Variants in ZFP82 observed in about 807,000 individuals in gnomAD.
ZFP82 encodes the protein ZFP82 zinc finger protein, also known as zinc finger protein 82 homolog.
A neutral mutation model predicts 54.0 loss-of-function variants in ZFP82; 30 were observed. The ratio of observed to expected loss-of-function variants is 0.56; its 90% confidence interval spans 0.42 to 0.75. The LOEUF (loss-of-function observed/expected upper bound fraction) is 0.75, where lower values mean the gene tolerates loss of function less well. ZFP82 is among the 30% of genes least tolerant of loss of function. The probability of loss-of-function intolerance (pLI) is 0.00; values close to 1 mark genes in which losing one functional copy is unlikely to be tolerated. For synonymous variants in ZFP82, 194 were observed against 209.5 expected (o/e 0.93, Z 0.64); for missense variants, 500 against 636.8 (o/e 0.79, Z 2.31).
intron 4 of ZFP82, among the ~76,000 whole-genome samples, chr19:36,400,050 T>C (rs1017844426): frequency 5.9e-5 from 9 of 152,232 alleles, no homozygotes; most frequent in African/African-American, 2.2e-4. Context: ...ACTTTTATGG[T>C]ATGTACATAA....
chr19:36,398,032 GC>G (rs1370499734), intron 4 of ZFP82, among the ~76,000 whole-genome samples: 1 of 152,156 alleles, frequency 6.6e-6, no homozygotes, highest in Admixed American at 6.5e-5. Context: ...CAAGAATAAA[GC>G]TTTACAAAAC....
At chr19:36,402,582 T>C (rs2145588909) in intron 4 of ZFP82, among the ~76,000 whole-genome samples, 1 of 151,244 alleles carries the variant, frequency 6.6e-6, no homozygotes, top group Non-Finnish European at 1.5e-5. Flanking sequence ...GGCACTGAAA[T>C]GGTCCTATGG....
At chr19:36,400,557 A>C (rs1218340155) in intron 4 of ZFP82, among the ~76,000 whole-genome samples, 2 of 152,202 alleles carry the variant, frequency 1.3e-5, no homozygotes, top group Non-Finnish European at 2.9e-5. Context: ...CAGCAACAGA[A>C]GAATATGCTA....
intron 1 of ZFP82, among the ~76,000 whole-genome samples, chr19:36,415,735 G>A (rs540248215): frequency 3.2e-4 from 49 of 152,272 alleles, no homozygotes; most frequent in African/African-American, 1.2e-3. Context: ...TTGTGAAGAA[G>A]GAATATCTTT....
chr19:36,411,742 G>A (rs999781235), intron 1 of ZFP82, among the ~76,000 whole-genome samples: 5 of 151,846 alleles, frequency 3.3e-5, no homozygotes, highest in Non-Finnish European at 7.4e-5. Context: ...GCAGGCACCT[G>A]TAAGCCCAGC....
Position 36,418,592 on chromosome 19 carries a change from G to C in ZFP82, c.-179C>G, listed in dbSNP as rs924389689. On this transcript the variant is annotated 5_prime_UTR_variant, in exon 1 of 5. It adds an upstream start codon to the 5' untranslated region. Coordinates refer to ENST00000392161, the MANE Select transcript of ZFP82 (RefSeq NM_133466.4). ...TCGGGGCGCGAACCCGAGGCACAGCGATGCCCGAACGGAGGAAGCCGCTGC... is the reference window on the plus strand; with the variant it reads ...TCGGGGCGCGAACCCGAGGCACAGCCATGCCCGAACGGAGGAAGCCGCTGC... 4.6e-5 allele frequency: 7 copies of C among 152,290 alleles called. No individual in the cohort carries two copies. The highest frequency in any genetic ancestry group is 1.7e-4 in the African/African-American group (7 of 41,460). The allele number at this position is 152,290 out of a possible 1,614,324, so 9.4% of individuals were successfully genotyped here. A position where few individuals can be genotyped will look rare whatever the true frequency, so the allele number is the denominator to read the frequency against.
intron 1 of ZFP82, among the ~76,000 whole-genome samples, chr19:36,412,093 A>T (rs1395243521): frequency 1.8e-5 from 2 of 113,386 alleles, no homozygotes; most frequent in African/African-American, 6.5e-5. Context: ...AGAGAGAGAG[A>T]GAGTGTGCGT....
chr19:36,412,613 CTTTTG>C (rs1243313317), intron 1 of ZFP82, among the ~76,000 whole-genome samples: 1 of 152,186 alleles, frequency 6.6e-6, no homozygotes, highest in African/African-American at 2.4e-5. Flanking sequence ...CTTGACCAAG[CTTTTG>C]TTTTGTTTCT....
At chr19:36,402,761 C>T (rs141646765) in intron 4 of ZFP82, among the ~76,000 whole-genome samples, 6 of 150,516 alleles carry the variant, frequency 4.0e-5, no homozygotes, top group Admixed American at 1.3e-4. Flanking sequence ...TCTGGGAGGC[C>T]GAGATGGGCG....
downstream of ZFP82, among the ~76,000 whole-genome samples, chr19:36,384,661 G>A (rs912772007): frequency 2.0e-5 from 3 of 152,266 alleles, no homozygotes; most frequent in East Asian, 1.9e-4. Context: ...GTGGAACATA[G>A]TTTCAGAAAT....
Position 36,392,714 on chromosome 19 carries a change from T to C in ZFP82, c.*27A>G. The C allele has an allele frequency of 1.3e-6, 2 of 1,523,756 alleles. No homozygotes were observed. The highest frequency in any genetic ancestry group is 1.7e-6 in the Non-Finnish European group (2 of 1,142,868). 94.4% of individuals were successfully genotyped at this position (1,523,756 alleles called of 1,614,324 possible). A position where few individuals can be genotyped will look rare whatever the true frequency, so the allele number is the denominator to read the frequency against. On this transcript the variant is annotated 3_prime_UTR_variant, in exon 5 of 5. Coordinates refer to ENST00000392161, the MANE Select transcript of ZFP82 (RefSeq NM_133466.4). ...TAATTACTACATTCATAGAATGTTCTATAACACAGAAGTTGAAAAGACTTT... is the reference window on the plus strand; with the variant it reads ...TAATTACTACATTCATAGAATGTTCCATAACACAGAAGTTGAAAAGACTTT...
At position 36,392,672 on chromosome 19, in the gene ZFP82, T is replaced by G; in HGVS notation, c.*69A>C. ...CCTCTAATGCCAACGCAGTTGCATG[T>G]ATGGAGCAAAATAGATTAATTACTA... is the stretch of plus-strand genomic sequence containing the variant. On this transcript the variant is annotated 3_prime_UTR_variant, in exon 5 of 5. Transcript: ENST00000392161. 5.1e-6 allele frequency: 7 copies of G among 1,383,310 alleles called. No individual in the cohort carries two copies. Among genetic ancestry groups the G allele is most frequent in the Non-Finnish European group, 6.7e-6 (7 of 1,043,132 alleles). The allele number at this position is 1,383,310 out of a possible 1,614,324, so 85.7% of individuals were successfully genotyped here. A position where few individuals can be genotyped will look rare whatever the true frequency, so the allele number is the denominator to read the frequency against.
At chr19:36,398,013 C>T (rs1353781414) in intron 4 of ZFP82, among the ~76,000 whole-genome samples, 1 of 152,186 alleles carries the variant, frequency 6.6e-6, no homozygotes, top group Non-Finnish European at 1.5e-5. Context: ...GACTTACCAT[C>T]CCTTTTCCCA....
At position 36,390,541 on chromosome 19, in the gene ZFP82, A is replaced by G. The variant is rs1051023294; in HGVS notation, c.*2200T>C. On this transcript the variant is annotated 3_prime_UTR_variant, in exon 5 of 5. Coordinates refer to ENST00000392161, the MANE Select transcript of ZFP82 (RefSeq NM_133466.4). Reference sequence around the variant, plus strand: ...AGCCAAGAAAACTTCACAGGTGTCCACTGTGTGTATCCATTTCATCACATC... The same window carrying G: ...AGCCAAGAAAACTTCACAGGTGTCCGCTGTGTGTATCCATTTCATCACATC... The G allele has an allele frequency of 1.3e-5, 2 of 152,042 alleles. No homozygotes were observed. The allele number at this position is 152,042 out of a possible 1,614,324, so 9.4% of individuals were successfully genotyped here. A position where few individuals can be genotyped will look rare whatever the true frequency, so the allele number is the denominator to read the frequency against.
At position 36,409,968 on chromosome 19, in the gene ZFP82, CA is replaced by C. The variant is rs1372046175; in HGVS notation, c.-78-102del. The stretch of plus-strand genomic sequence containing the variant: ...TTCCCCTCTCTTCTGATCTCTCCAC[CA>C]CAGCTCCTCCAACACACACGCGCGC... On this transcript the variant is annotated intron_variant, in intron 1 of 4. Coordinates refer to ENST00000392161, the MANE Select transcript of ZFP82 (RefSeq NM_133466.4). The C allele has an allele frequency of 1.8e-4, 111 of 611,264 alleles. 1 individual carries two copies. Among genetic ancestry groups the C allele is most frequent in the Non-Finnish European group, 9.3e-5 (32 of 345,630 alleles). 37.9% of individuals were successfully genotyped at this position (611,264 alleles called of 1,614,324 possible).
At chr19:36,388,039 T>C (rs1351211976), downstream of ZFP82, among the ~76,000 whole-genome samples, 1 of 152,246 alleles carries the variant, frequency 6.6e-6, no homozygotes, top group East Asian at 1.9e-4. Context: ...TAAATGAGAA[T>C]AGAAACCATC....
At chr19:36,402,580 A>G (rs1373865720) in intron 4 of ZFP82, among the ~76,000 whole-genome samples, 1 of 152,162 alleles carries the variant, frequency 6.6e-6, no homozygotes, top group African/African-American at 2.4e-5. Flanking sequence ...TAGGCACTGA[A>G]ATGGTCCTAT....
intron 4 of ZFP82, chr19:36,394,502 T>A (rs2032263211): frequency 5.9e-6 from 1 of 170,868 alleles, no homozygotes. Flanking sequence ...TATACTTAAA[T>A]TTTTTTCATC....
intron 2 of ZFP82, among the ~76,000 whole-genome samples, chr19:36,408,794 C>T (rs1013173458): frequency 5.3e-5 from 8 of 151,870 alleles, no homozygotes; most frequent in African/African-American, 1.9e-4. Flanking sequence ...TCCAGCCTAG[C>T]CAACAAGAAC....
Sources: allele counts gnomAD v4.1 joint callset (sites outside exome capture counted in the v4.1 genomes callset), GRCh38; gene constraint gnomAD v4.1.1; transcripts MANE v1.5; gene names NCBI Gene and HGNC (gene_info 2026-07-23, HGNC 2026-07-21).